PRKCE: variants seen among roughly 807,000 people sequenced by gnomAD.
PRKCE encodes the protein protein kinase C epsilon, also known as protein kinase C epsilon type.
Under a neutral mutation model 85.4 loss-of-function variants are expected in PRKCE, and 16 were observed. The observed-to-expected ratio is 0.19, with a 90% confidence interval of 0.13 to 0.28. PRKCE has a LOEUF of 0.28. Ranked by LOEUF, PRKCE falls within the 10% of genes least tolerant of loss-of-function variation. The probability of loss-of-function intolerance (pLI) is 1.00; values close to 1 mark genes in which losing one functional copy is unlikely to be tolerated. For missense variants in PRKCE, 573 were observed against 975.2 expected (o/e 0.59, Z 5.49); for synonymous variants, 388 against 371.5 (o/e 1.04, Z -0.51).
intron 10 of PRKCE, among the ~76,000 whole-genome samples, chr2:46,032,500 CA>C (rs918071617): frequency 8.5e-5 from 13 of 152,322 alleles, no homozygotes; most frequent in African/African-American, 3.1e-4. Flanking sequence ...CCCAGCCTTC[CA>C]AAACCTTCCC....
chr2:45,855,506 T>A (rs1692600955), intron 2 of PRKCE, among the ~76,000 whole-genome samples: 1 of 152,254 alleles, frequency 6.6e-6, no homozygotes, highest in Admixed American at 6.5e-5. Context: ...CATCAGGATT[T>A]GCTCCTTAAT....
chr2:45,932,251 G>A (rs1336183416), intron 2 of PRKCE, among the ~76,000 whole-genome samples: 2 of 152,216 alleles, frequency 1.3e-5, no homozygotes, highest in Non-Finnish European at 2.9e-5. Flanking sequence ...GTTTTTGCAT[G>A]TAGTTTATTC....
intron 2 of PRKCE, among the ~76,000 whole-genome samples, chr2:45,949,084 G>A (rs1700435344): frequency 6.6e-6 from 1 of 152,094 alleles, no homozygotes; most frequent in Non-Finnish European, 1.5e-5. Context: ...GTGTCTCCTT[G>A]GGTATAAGTG....
At position 46,184,283 on chromosome 2, in the gene PRKCE, G is replaced by T. The variant is rs949141905; in HGVS notation, c.2068-452G>T. ...TGTGGAGAGGATGTCACCTGGAGCA[G>T]ATGTGGCCGGGTTATGGGGAAGAAG... On this transcript the variant is annotated intron_variant, in intron 14 of 14. Coordinates refer to ENST00000306156, the MANE Select transcript of PRKCE (RefSeq NM_005400.3). This position sits in a 1 kb window ranked among gnomAD's most constrained non-coding sequence, Gnocchi z 5.0. Among the ~76,000 whole-genome samples the T allele has an allele frequency of 6.6e-6, 1 of 152,144 alleles. No homozygotes were observed. The highest frequency in any genetic ancestry group is 1.5e-5 in the Non-Finnish European group (1 of 68,030).
intron 2 of PRKCE, among the ~76,000 whole-genome samples, chr2:45,935,886 C>G (rs867135037): frequency 6.6e-6 from 1 of 152,220 alleles, no homozygotes; most frequent in Non-Finnish European, 1.5e-5. Context: ...TGCACCTGGA[C>G]CCATTGTGCT....
intron 1 of PRKCE, among the ~76,000 whole-genome samples, chr2:45,744,403 CTTTCTTTTCT>C (rs1553397535): frequency 6.6e-6 from 1 of 150,642 alleles, no homozygotes; most frequent in Admixed American, 6.6e-5. Context: ...GTCTTTCTCT[CTTTCTTTTCT>C]TTTCTTTCTT....
At chr2:45,961,548 G>A (rs1161242179) in intron 2 of PRKCE, among the ~76,000 whole-genome samples, 1 of 152,190 alleles carries the variant, frequency 6.6e-6, no homozygotes, top group African/African-American at 2.4e-5. Context: ...CCCTTTCCAT[G>A]TTCACCAAGT....
intron 1 of PRKCE, among the ~76,000 whole-genome samples, chr2:45,752,151 CACAT>C (rs1683628605): frequency 6.6e-6 from 1 of 152,170 alleles, no homozygotes; most frequent in Non-Finnish European, 1.5e-5. Context: ...AAGTGAACAT[CACAT>C]GGAATAACTG....
chr2:45,895,003 A>G lies in PRKCE; in HGVS notation c.412+51940A>G, dbSNP rs1055188407. Among the ~76,000 whole-genome samples the G allele has an allele frequency of 2.0e-5, 3 of 152,330 alleles. No homozygotes were observed. The highest frequency in any genetic ancestry group is 6.5e-5 in the Admixed American group (1 of 15,312). On this transcript the variant is annotated intron_variant, in intron 2 of 14. Coordinates refer to ENST00000306156, the MANE Select transcript of PRKCE (RefSeq NM_005400.3). This position sits in a 1 kb window ranked among gnomAD's most constrained non-coding sequence, Gnocchi z 4.8. ...CTCCCAAAGTGCTGGGATTACAGGC[A>G]TCAGCCCCTGTGCCCCCGTTCGTTT... is the stretch of plus-strand genomic sequence containing the variant.
intron 2 of PRKCE, among the ~76,000 whole-genome samples, chr2:45,970,329 T>C (rs866421688): frequency 6.6e-6 from 1 of 152,234 alleles, no homozygotes; most frequent in African/African-American, 2.4e-5. Flanking sequence ...CAGTATCTTA[T>C]GAAAATTTTA....
chr2:45,695,154 A>C (rs1250455441), intron 1 of PRKCE, among the ~76,000 whole-genome samples: 1 of 152,050 alleles, frequency 6.6e-6, no homozygotes, highest in Non-Finnish European at 1.5e-5. Flanking sequence ...GGTTATTGTA[A>C]AGTTTGAGGA....
At chr2:45,756,533 G>A (rs1684019586) in intron 1 of PRKCE, among the ~76,000 whole-genome samples, 1 of 152,190 alleles carries the variant, frequency 6.6e-6, no homozygotes, top group Admixed American at 6.5e-5. Context: ...TTCAAAATCT[G>A]TCATGAATGT....
chr2:46,086,671 C>T (rs1324471468), intron 11 of PRKCE, among the ~76,000 whole-genome samples: 1 of 152,154 alleles, frequency 6.6e-6, no homozygotes, highest in Non-Finnish European at 1.5e-5. Context: ...TCTCCTCCAC[C>T]CTCTTCCTTG....
chr2:46,014,070 C>G (rs1705916490), intron 10 of PRKCE, among the ~76,000 whole-genome samples: 1 of 152,192 alleles, frequency 6.6e-6, no homozygotes, highest in Non-Finnish European at 1.5e-5. Flanking sequence ...CTACCCTTGG[C>G]TCATGTGCTC....
chr2:45,942,430 AT>A (rs748589095), intron 2 of PRKCE, among the ~76,000 whole-genome samples: 3 of 152,264 alleles, frequency 2.0e-5, no homozygotes, highest in Non-Finnish European at 4.4e-5. Flanking sequence ...TTGAGAGGAT[AT>A]AAAAGAGCAA....
intron 2 of PRKCE, among the ~76,000 whole-genome samples, chr2:45,932,838 T>G (rs1407255971): frequency 1.3e-5 from 2 of 152,232 alleles, no homozygotes; most frequent in East Asian, 3.8e-4. Context: ...CTCCATGAAT[T>G]TTGACTACTC....
chr2:46,110,505 C>T (rs1284764070), intron 11 of PRKCE, among the ~76,000 whole-genome samples: 1 of 152,308 alleles, frequency 6.6e-6, no homozygotes, highest in Admixed American at 6.5e-5. Flanking sequence ...TCATTTATTA[C>T]TGTTTTCACG....
chr2:46,009,750 C>G (rs750922927), intron 9 of PRKCE, among the ~76,000 whole-genome samples: 1 of 152,076 alleles, frequency 6.6e-6, no homozygotes, highest in Non-Finnish European at 1.5e-5. Flanking sequence ...ACTGAAGTGC[C>G]TAATTTGAGG....
chr2:45,952,152 G>A (rs111655713), intron 2 of PRKCE, among the ~76,000 whole-genome samples: 1 of 152,196 alleles, frequency 6.6e-6, no homozygotes, highest in Non-Finnish European at 1.5e-5. Flanking sequence ...TCTTAAAAGA[G>A]CCTGACTCCT....
Sources: gnomAD v4.1 joint callset for allele counts (sites outside exome capture counted in the v4.1 genomes callset) on GRCh38, gnomAD v4.1.1 for gene constraint, Gnocchi (gnomAD v3.1) non-coding constraint, MANE v1.5 for transcripts, NCBI Gene and HGNC (gene_info 2026-07-23, HGNC 2026-07-21) for gene names.